Variants in CATSPERD observed in about 807,000 individuals in gnomAD.
CATSPERD encodes cation channel sperm-associated auxiliary subunit delta.
In CATSPERD, 86 loss-of-function variants were observed where a neutral mutation model predicts 98.1. The ratio of observed to expected loss-of-function variants is 0.88; its 90% CI spans 0.74 to 1.05. The LOEUF is 1.05. CATSPERD is among the 50% of genes least tolerant of loss of function. The pLI, the probability that CATSPERD is intolerant of heterozygous loss-of-function variation, is 0.00. For missense variants in CATSPERD, 995 were observed against 1,005.7 expected (o/e 0.99, Z 0.14); for synonymous variants, 394 against 390.2 (o/e 1.01, Z -0.12).
At chr19:5,769,150 T>G (rs147779689) in intron 18 of CATSPERD, among the ~76,000 whole-genome samples, 2,164 of 145,630 alleles carry the variant, frequency 0.015, 58 homozygotes, top group African/African-American at 0.052. Context: ...CAAGACTCTG[T>G]CTCAAAAAAA....
intron 19 of CATSPERD, 147 bp from the exon 20 acceptor site, chr19:5,772,641 C>G: frequency 2.6e-6 from 2 of 759,580 alleles, no homozygotes; most frequent in Non-Finnish European, 4.4e-6. Flanking sequence ...ACGGCATCCT[C>G]AGCTGGGAGC....
At chr19:5,737,718 C>T (rs1247455707) in intron 6 of CATSPERD, among the ~76,000 whole-genome samples, 1 of 151,142 alleles carries the variant, frequency 6.6e-6, no homozygotes, top group East Asian at 2.0e-4. Flanking sequence ...GGCATGGTGG[C>T]GTGTGCCTGT....
intron 9 of CATSPERD, 36 bp downstream of exon 9, chr19:5,746,099 G>A: frequency 6.3e-7 from 1 of 1,595,952 alleles, no homozygotes; most frequent in South Asian, 1.1e-5. Context: ...CTGCCGCCTG[G>A]TGGCCTCCTC....
chr19:5,757,761 G>C, intron 13 of CATSPERD, 82 bp from the exon 14 acceptor site: 1 of 1,026,712 alleles, frequency 9.7e-7, no homozygotes, highest in South Asian at 1.4e-5. Context: ...ATTTGAAGGT[G>C]TGCTGGGCTC....
At chr19:5,735,677 G>C (rs899564886) in intron 5 of CATSPERD, among the ~76,000 whole-genome samples, 11 of 151,756 alleles carry the variant, frequency 7.2e-5, no homozygotes, top group African/African-American at 2.7e-4. Context: ...GTTCCACCAT[G>C]TTGGCCAGGA....
intron 4 of CATSPERD, among the ~76,000 whole-genome samples, chr19:5,733,307 T>C (rs112606213): frequency 1.8e-4 from 27 of 146,968 alleles, no homozygotes; most frequent in African/African-American, 5.2e-4. Context: ...TTCTTTTTCT[T>C]TTTCTTTCTT....
chr19:5,727,736 A>C (rs2145683050), intron 3 of CATSPERD, among the ~76,000 whole-genome samples: 1 of 152,238 alleles, frequency 6.6e-6, no homozygotes, highest in South Asian at 2.1e-4. Flanking sequence ...AAGGAATAAA[A>C]ACACCATGCT....
In CATSPERD at chr19:5,739,161, G is replaced by C. The variant is rs138256178; in HGVS notation, c.460-165G>C. ...ATTACAGGCGTGAGCCACCGCACCT[G>C]GCGTGTATCCACTTTTTGGCTATCA... On this transcript the variant is annotated intron_variant, in intron 6 of 21. Transcript: ENST00000381624. Among the ~76,000 whole-genome samples, 610 of 152,310 alleles carry C rather than the reference G, an allele frequency of 4.0e-3. 3 individuals carry two copies. The highest frequency in any genetic ancestry group is 0.012 in the African/African-American group (481 of 41,586).
Position 5,778,646 on chromosome 19 carries a change from C to G in CATSPERD, c.2367C>G (p.Arg789=). 6.2e-7 allele frequency: 1 copy of G among 1,613,460 alleles called. No individual in the cohort carries two copies. The highest frequency in any genetic ancestry group is 2.2e-5 in the East Asian group (1 of 44,896). The stretch of plus-strand genomic sequence containing the variant: ...GCACAGAGCCCCCGGGACGCCACCG[C>G]ACTCCTCACGGAGGCAGGTCTGACC... The part of the protein sequence containing the change: ...RAGTEPPGRH[R]TPHGGRSDH Residue 789 remains arginine, a synonymous_variant, in exon 22 of 22, where the codon CGC becomes CGG. Transcript: ENST00000381624.
intron 4 of CATSPERD, among the ~76,000 whole-genome samples, chr19:5,731,458 G>A (rs1339465708): frequency 6.6e-6 from 1 of 151,592 alleles, no homozygotes; most frequent in African/African-American, 2.4e-5. Flanking sequence ...CCGCACTCCA[G>A]CTTGAGTGGC....
intron 19 of CATSPERD, 65 bp downstream of exon 19, chr19:5,771,137 G>A (rs1568374399): frequency 9.7e-6 from 15 of 1,550,078 alleles, no homozygotes; most frequent in Non-Finnish European, 1.2e-5. Context: ...CCTGGCCCTG[G>A]GGTACCAGCC....
intron 4 of CATSPERD, among the ~76,000 whole-genome samples, chr19:5,732,455 C>CG (rs1374260343): frequency 7.8e-6 from 1 of 128,488 alleles, no homozygotes; most frequent in Non-Finnish European, 1.8e-5. Flanking sequence ...TTTTTTGAGA[C>CG]GGAGTCTCAC....
chr19:5,768,214 C>T lies in CATSPERD; in HGVS notation c.1606C>T (p.Gln536Ter), dbSNP rs1256311656. Residue 536 changes from glutamine (Q) to a stop codon, truncating the protein, a stop_gained, in exon 18 of 22, where the codon CAA becomes TAA. Transcript: ENST00000381624. LOFTEE classifies it high-confidence loss of function. ...SMGILDPLTL[Q>*]DNYSFIIEKE... is the part of the protein sequence containing the mutation. ...GGGCATCCTGGACCCCTTGACCCTG[C>T]AAGACAATTACAGCTTCATCATCGA... is the stretch of plus-strand genomic sequence containing the variant. 3.1e-6 allele frequency: 5 copies of T among 1,613,634 alleles called. No homozygotes were observed. The East Asian group carries it at 8.9e-5, about 29-fold the overall frequency.
chr19:5,726,008 C>G lies in CATSPERD; in HGVS notation c.126+1146C>G, dbSNP rs74703739. Among the ~76,000 whole-genome samples the G allele has an allele frequency of 2.6e-4, 39 of 151,864 alleles. No individual in the cohort carries two copies. The East Asian group carries it at 6.2e-3, about 24-fold the overall frequency. On this transcript the variant is annotated intron_variant, in intron 2 of 21. Transcript: ENST00000381624. ...TTTCAAATAACTAATCATCTGTAAA[C>G]AAATAGTAACATGAATAGGTATGAG...
chr19:5,729,821 C>A, intron 3 of CATSPERD, 51 bp from the exon 4 acceptor site: 1 of 1,168,592 alleles, frequency 8.6e-7, no homozygotes, highest in Non-Finnish European at 1.3e-6. Flanking sequence ...TGTCTTTTTT[C>A]TTTCCTTGTG....
At chr19:5,770,518 T>C (rs1314005970) in intron 18 of CATSPERD, among the ~76,000 whole-genome samples, 1 of 149,864 alleles carries the variant, frequency 6.7e-6, no homozygotes, top group South Asian at 2.1e-4. Flanking sequence ...TGGTGGCTTA[T>C]ACCTGTAATC....
At chr19:5,762,054 A>ATG (rs1378491245) in intron 15 of CATSPERD, among the ~76,000 whole-genome samples, 7 of 14,882 alleles carry the variant, frequency 4.7e-4, no homozygotes, top group Non-Finnish European at 1.6e-4. Flanking sequence ...ATATATATAT[A>ATG]TATATTTTTT....
intron 20 of CATSPERD, among the ~76,000 whole-genome samples, chr19:5,773,534 A>C (rs1177176887): frequency 6.6e-6 from 1 of 151,690 alleles, no homozygotes; most frequent in African/African-American, 2.4e-5. Flanking sequence ...TTTTATTTTT[A>C]TTTCTTTTAG....
At chr19:5,737,494 G>A (rs1381348208) in intron 6 of CATSPERD, among the ~76,000 whole-genome samples, 1 of 144,136 alleles carries the variant, frequency 6.9e-6, no homozygotes, top group African/African-American at 2.6e-5. Context: ...AGGCTGCAAT[G>A]AGCCGTGATT....
Sources: gnomAD v4.1 joint callset for allele counts (sites outside exome capture counted in the v4.1 genomes callset) on GRCh38, gnomAD v4.1.1 for gene constraint, MANE v1.5 for transcripts, NCBI Gene and HGNC (gene_info 2026-07-23, HGNC 2026-07-21) for gene names.